The following MECR variants were observed in gnomAD, a reference collection of about 807,000 sequenced individuals.
MECR encodes enoyl-[acyl-carrier-protein] reductase, mitochondrial.
A neutral mutation model predicts 49.1 loss-of-function variants in MECR; 37 were observed. The observed-to-expected ratio is 0.75, with a 90% confidence interval of 0.58 to 0.99. The LOEUF (loss-of-function observed/expected upper bound fraction) is 0.99. MECR is among the 50% of genes least tolerant of loss of function. The pLI, the probability that MECR is intolerant of heterozygous loss-of-function variation, is 0.00. For synonymous variants in MECR, 198 were observed against 191.1 expected (o/e 1.04, Z -0.30); for missense variants, 470 against 479.6 (o/e 0.98, Z 0.19).
At chr1:29,222,871 G>C (rs899468002) in intron 1 of MECR, among the ~76,000 whole-genome samples, 1 of 152,194 alleles carries the variant, frequency 6.6e-6, no homozygotes, top group Admixed American at 6.5e-5. Context: ...CCTGCCCCAG[G>C]GAATGCCATC....
chr1:29,229,289 G>A (rs1166622357), intron 1 of MECR, among the ~76,000 whole-genome samples: 2 of 150,944 alleles, frequency 1.3e-5, no homozygotes, highest in Non-Finnish European at 2.9e-5. Flanking sequence ...TGCAACCTCC[G>A]CCTCCTGGGT....
the MECR span, chr1:29,172,085 T>C: frequency 6.5e-4 from 99 of 152,124 alleles, 1 homozygote; most frequent in African/African-American, 2.3e-3. Context: ...TCCCCATATA[T>C]TGGGGGAAAA....
In MECR at chr1:29,193,107, G is replaced by A. The variant is rs771069770; in HGVS notation, c.*915C>T. 10 of 177,934 alleles carry A rather than the reference G, an allele frequency of 5.6e-5. No individual in the cohort carries two copies. The highest frequency in any genetic ancestry group is 9.5e-5 in the Non-Finnish European group (8 of 84,366). The allele number at this position is 177,934 out of a possible 1,614,324, so 11.0% of individuals were successfully genotyped here. ...CTACAGGTGCACAGCACCATACCTG[G>A]CTAATGTTTGTATTTTTTGTAGAGA... On this transcript the variant is annotated 3_prime_UTR_variant, in exon 10 of 10. Transcript: ENST00000263702.
intron 2 of MECR, 63 bp downstream of exon 2, chr1:29,216,525 T>C (rs1679446674): frequency 6.6e-7 from 1 of 1,509,396 alleles, no homozygotes; most frequent in South Asian, 1.1e-5. Context: ...TGAGGAGGAA[T>C]GAAAATGAGG....
chr1:29,195,933 G>T lies in MECR; in HGVS notation c.964+8C>A. Reference sequence around the variant, plus strand: ...TCTGTGACTCTTGGCACTGGGCCATGCACTCACCTGGACTGTGATCCTTCT... The same window carrying T: ...TCTGTGACTCTTGGCACTGGGCCATTCACTCACCTGGACTGTGATCCTTCT... On this transcript the variant is annotated splice_region_variant and intron_variant, in intron 9 of 9. Coordinates refer to ENST00000263702, the MANE Select transcript of MECR (RefSeq NM_016011.5). The T allele has an allele frequency of 1.2e-6, 2 of 1,614,118 alleles. No homozygotes were observed. Among genetic ancestry groups the T allele is most frequent in the Non-Finnish European group, 8.5e-7 (1 of 1,179,934 alleles).
At chr1:29,209,623 G>A (rs111887473) in intron 3 of MECR, among the ~76,000 whole-genome samples, 2 of 152,142 alleles carry the variant, frequency 1.3e-5, no homozygotes, top group African/African-American at 2.4e-5. Flanking sequence ...GAATCAATAG[G>A]ATTTGGTGAG....
At chr1:29,170,034 C>T in the MECR span, 2 of 152,150 alleles carry the variant, frequency 1.3e-5, no homozygotes, top group Non-Finnish European at 2.9e-5. Flanking sequence ...TATCATTACC[C>T]CCTGCAATCA....
intron 4 of MECR, among the ~76,000 whole-genome samples, chr1:29,205,596 C>G (rs113426032): frequency 0.025 from 3,800 of 151,690 alleles, 73 homozygotes; most frequent in Middle Eastern, 0.085. Context: ...CTTTGGGAGG[C>G]TGAGGTGGGC....
chr1:29,206,289 G>T (rs1676552658), intron 4 of MECR, among the ~76,000 whole-genome samples: 1 of 152,216 alleles, frequency 6.6e-6, no homozygotes, highest in African/African-American at 2.4e-5. Flanking sequence ...ACCAATGATG[G>T]TACCAACCTT....
intron 4 of MECR, among the ~76,000 whole-genome samples, chr1:29,204,360 C>T (rs1371062320): frequency 1.3e-5 from 2 of 152,062 alleles, no homozygotes; most frequent in Non-Finnish European, 2.9e-5. Context: ...TAGAGGACTT[C>T]CTGGAAGAAG....
chr1:29,169,611 A>C, the MECR span: 1 of 152,242 alleles, frequency 6.6e-6, no homozygotes, highest in Non-Finnish European at 1.5e-5. Flanking sequence ...TAAGAAACTT[A>C]TATCTCAGCA....
chr1:29,211,966 C>T lies in MECR; in HGVS notation c.406+4039G>A, dbSNP rs1417640652. ...AATAGTTGCCACTCTTACTAAATGGCAGTCTTCACGAGAAGAAAGACCATG... is the reference window on the plus strand; with the variant it reads ...AATAGTTGCCACTCTTACTAAATGGTAGTCTTCACGAGAAGAAAGACCATG... On this transcript the variant is annotated intron_variant, in intron 3 of 9. Transcript: ENST00000263702. Among the ~76,000 whole-genome samples, 11 of 152,350 alleles carry T rather than the reference C, an allele frequency of 7.2e-5. No homozygotes were observed. In the East Asian group the frequency reaches 2.1e-3, roughly 29 times the overall value.
chr1:29,202,958 G>T (rs548478718), intron 5 of MECR, among the ~76,000 whole-genome samples, 173 bp downstream of exon 5: 6 of 152,298 alleles, frequency 3.9e-5, no homozygotes, highest in South Asian at 2.1e-4. Flanking sequence ...AAGCCAGCTG[G>T]ACTTCATTTC....
chr1:29,182,649 TTCTCC>T, the MECR span, among the ~76,000 whole-genome samples: 26 of 152,228 alleles, frequency 1.7e-4, no homozygotes, highest in South Asian at 5.4e-3. Context: ...GTTCAAGCGA[TTCTCC>T]TGCCTCAGCC....
chr1:29,196,030 G>T lies in MECR; in HGVS notation c.892-17C>A, dbSNP rs1403942462. ...GAGCAGGCTCTGCAGACACAGGAAG[G>T]ACATGCTGGGCTCTGAGGGCAAGAA... On this transcript the variant is annotated splice_polypyrimidine_tract_variant and intron_variant, in intron 8 of 9. Transcript: ENST00000263702. The T allele has an allele frequency of 9.9e-6, 16 of 1,614,040 alleles. No individual in the cohort carries two copies. Among genetic ancestry groups the T allele is most frequent in the Non-Finnish European group, 1.3e-5 (15 of 1,179,878 alleles).
chr1:29,188,146 G>T (rs1673065530), downstream of MECR, among the ~76,000 whole-genome samples: 1 of 151,304 alleles, frequency 6.6e-6, no homozygotes, highest in African/African-American at 2.4e-5. Context: ...AACTCCTGGA[G>T]AGACCAGATC....
chr1:29,196,085 C>G (rs779504458), intron 8 of MECR, 72 bp from the exon 9 acceptor site: 4 of 1,597,652 alleles, frequency 2.5e-6, no homozygotes, highest in Non-Finnish European at 3.4e-6. Context: ...GTACAGACTC[C>G]CCTCCAGGAA....
At chr1:29,210,440 G>A (rs140155378) in intron 3 of MECR, among the ~76,000 whole-genome samples, 5 of 152,268 alleles carry the variant, frequency 3.3e-5, no homozygotes, top group East Asian at 1.9e-4. Context: ...GGCTTCCCCC[G>A]GACTGGCCTT....
the MECR span, among the ~76,000 whole-genome samples, chr1:29,187,048 G>A: frequency 6.6e-6 from 1 of 152,180 alleles, no homozygotes; most frequent in Non-Finnish European, 1.5e-5. Context: ...GCAAGCAGAT[G>A]TTGTGCCAGG....
Sources: gnomAD v4.1 joint callset for allele counts (sites outside exome capture counted in the v4.1 genomes callset) on GRCh38, gnomAD v4.1.1 for gene constraint, MANE v1.5 for transcripts, NCBI Gene and HGNC (gene_info 2026-07-23, HGNC 2026-07-21) for gene names.